DENND2A: variants seen among roughly 807,000 people sequenced by gnomAD.
DENND2A encodes DENN domain containing 2A, also known as DENN domain-containing protein 2A.
Under a neutral mutation model 105.3 loss-of-function variants are expected in DENND2A, and 53 were observed. That is an observed-to-expected ratio of 0.50 (90% CI 0.40 to 0.63). DENND2A has a LOEUF of 0.63. Among genes scored for constraint, DENND2A ranks in the 30% least tolerant of loss-of-function variants. DENND2A has a pLI of 0.00. For missense variants in DENND2A, 1,138 were observed against 1,279.6 expected, an observed-to-expected ratio of 0.89 and a Z score of 1.69; for synonymous variants, 522 against 508.4, an observed-to-expected ratio of 1.03 and a Z score of -0.36.
At chr7:140,543,007 C>T (rs1796734603) in intron 14 of DENND2A, among the ~76,000 whole-genome samples, 1 of 152,098 alleles carries the variant, frequency 6.6e-6, no homozygotes, top group African/African-American at 2.4e-5. Context: ...GAGTGCCCTC[C>T]CTCGGTCTCC....
intron 14 of DENND2A, among the ~76,000 whole-genome samples, chr7:140,539,611 T>G (rs192067794): frequency 2.1e-3 from 323 of 152,302 alleles, no homozygotes; most frequent in African/African-American, 7.5e-3. Context: ...ACTCCCTGCT[T>G]CTTTGAGCAG....
At chr7:140,639,798 C>T (rs1801116806) in intron 1 of DENND2A, among the ~76,000 whole-genome samples, 1 of 152,128 alleles carries the variant, frequency 6.6e-6, no homozygotes, top group Admixed American at 6.6e-5. Flanking sequence ...AATTTACGCC[C>T]CTGGAGAGCC....
At chr7:140,620,106 G>A (rs1437064784) in intron 1 of DENND2A, among the ~76,000 whole-genome samples, 1 of 151,972 alleles carries the variant, frequency 6.6e-6, no homozygotes, top group African/African-American at 2.4e-5. Flanking sequence ...TGAGGCAGGA[G>A]AATCGCTTGA....
rs1795739483 is a variant in DENND2A, at chr7:140,518,547, G to T, written c.*160C>A. 1 of 639,188 alleles carries T rather than the reference G, an allele frequency of 1.6e-6. No individual in the cohort carries two copies. 39.6% of individuals were successfully genotyped at this position (639,188 alleles called of 1,614,324 possible). On this transcript the variant is annotated 3_prime_UTR_variant, in exon 20 of 20. Transcript: ENST00000496613. ...GGGCTGTCCTCCCAGGCGGCTCCCA[G>T]GTCCTCATCCAGGGAAGAGCCCAGC...
At chr7:140,622,101 A>C (rs914431986) in intron 1 of DENND2A, among the ~76,000 whole-genome samples, 1 of 152,148 alleles carries the variant, frequency 6.6e-6, no homozygotes, top group African/African-American at 2.4e-5. Flanking sequence ...ATGACCTTTA[A>C]ATTTTTAAAT....
intron 5 of DENND2A, among the ~76,000 whole-genome samples, chr7:140,579,024 G>A (rs1047657223): frequency 4.0e-5 from 6 of 151,680 alleles, no homozygotes; most frequent in South Asian, 2.1e-4. Flanking sequence ...GGCCTGGAGC[G>A]GTGGCTCATG....
rs754530478 is a variant in DENND2A at position 140,602,146 on chromosome 7, ACTC to A, written c.249_251del (p.Arg83del). The A allele has an allele frequency of 3.7e-6, 6 of 1,608,948 alleles. No individual in the cohort carries two copies. The East Asian group carries it at 1.1e-4, about 30-fold the overall frequency. ...TGACCTGAGTTCTCACCCCATCACT[ACTC>A]CTCCTCTCCACCGTAGAGGACGGCA... On this transcript the variant is annotated inframe_deletion, in exon 3 of 20. Coordinates refer to ENST00000496613, the MANE Select transcript of DENND2A (RefSeq NM_015689.5).
intron 14 of DENND2A, among the ~76,000 whole-genome samples, chr7:140,538,564 C>T (rs137910020): frequency 0.045 from 6,848 of 151,272 alleles, 492 homozygotes; most frequent in African/African-American, 0.15. Context: ...TGGAGTGTAG[C>T]GGTGTGATCT....
intron 3 of DENND2A, among the ~76,000 whole-genome samples, chr7:140,592,639 G>A (rs1197620292): frequency 6.7e-6 from 1 of 149,190 alleles, no homozygotes; most frequent in African/African-American, 2.5e-5. Flanking sequence ...TGGCTCTGTC[G>A]CCCAGGCCGG....
At chr7:140,631,950 G>C (rs905760377) in intron 1 of DENND2A, among the ~76,000 whole-genome samples, 1 of 152,144 alleles carries the variant, frequency 6.6e-6, no homozygotes, top group Non-Finnish European at 1.5e-5. Flanking sequence ...AAGCTCGGGA[G>C]ATGCAAGTTC....
intron 3 of DENND2A, among the ~76,000 whole-genome samples, chr7:140,600,030 C>T (rs1351273685): frequency 1.3e-5 from 2 of 151,660 alleles, no homozygotes; most frequent in Non-Finnish European, 2.9e-5. Flanking sequence ...AACCAAAGGA[C>T]CTGGTGATGA....
rs1182064848 is a variant in DENND2A at position 140,601,568 on chromosome 7, C to G, written c.830G>C (p.Gly277Ala). 1.2e-6 allele frequency: 2 copies of G among 1,614,178 alleles called. No individual in the cohort carries two copies. The highest frequency in any genetic ancestry group is 1.7e-6 in the Non-Finnish European group (2 of 1,180,020). The change falls in exon 3 of 20, where the codon GGA becomes GCA. Residue 277 changes from glycine to alanine, a missense_variant. Physicochemically the swap from Gly to Ala is moderately conservative, Grantham distance 60 (BLOSUM62 0). Coordinates refer to ENST00000496613, the MANE Select transcript of DENND2A (RefSeq NM_015689.5). ...PKPRRTFKHA[G>A]EGDKDGKPGI... ...AGGCTTCCCATCTTTGTCCCCTTCTCCGGCATGTTTGAACGTTCTCCGGGG... is the reference window on the plus strand; with the variant it reads ...AGGCTTCCCATCTTTGTCCCCTTCTGCGGCATGTTTGAACGTTCTCCGGGG...
chr7:140,616,657 G>C (rs1800096000), intron 1 of DENND2A, among the ~76,000 whole-genome samples: 1 of 152,042 alleles, frequency 6.6e-6, no homozygotes, highest in Admixed American at 6.6e-5. Context: ...CTAAAAGTGA[G>C]GAGTCCTGGA....
At chr7:140,597,844 G>A (rs1255536999) in intron 3 of DENND2A, among the ~76,000 whole-genome samples, 1 of 152,152 alleles carries the variant, frequency 6.6e-6, no homozygotes, top group African/African-American at 2.4e-5. Context: ...TCATGGGAGT[G>A]CTCGGGGACC....
chr7:140,564,269 T>G, intron 9 of DENND2A, among the ~76,000 whole-genome samples: 2 of 124,112 alleles, frequency 1.6e-5, no homozygotes, highest in South Asian at 2.5e-4. Context: ...GGCAATAGAG[T>G]GAGACTGTGT....
intron 3 of DENND2A, among the ~76,000 whole-genome samples, chr7:140,600,749 G>C (rs1429153929): frequency 6.6e-6 from 1 of 152,154 alleles, no homozygotes; most frequent in Admixed American, 6.5e-5. Flanking sequence ...GAGGAGTTTT[G>C]CTCTAAAGCT....
At chr7:140,529,285 C>T (rs566221420) in intron 14 of DENND2A, among the ~76,000 whole-genome samples, 4 of 152,172 alleles carry the variant, frequency 2.6e-5, no homozygotes, top group Non-Finnish European at 5.9e-5. Flanking sequence ...ATGTTGAAAC[C>T]CCATCTCTAC....
Position 140,525,731 on chromosome 7 carries a change from C to T in DENND2A, c.2547+20G>A, listed in dbSNP as rs1389082459. 6 of 1,600,156 alleles carry T rather than the reference C, an allele frequency of 3.7e-6. No homozygotes were observed. The Admixed American group carries it at 6.9e-5, about 18-fold the overall frequency. ...AGGTAAAGACAAAGGGAGCAGGAGG[C>T]CGTCGCTGGCCTCACTCACCTGTCT... On this transcript the variant is annotated intron_variant, in intron 16 of 19. Transcript: ENST00000496613.
intron 14 of DENND2A, among the ~76,000 whole-genome samples, chr7:140,539,184 C>A (rs74459160): frequency 0.021 from 3,223 of 152,316 alleles, 116 homozygotes; most frequent in African/African-American, 0.074. Flanking sequence ...GTCCCCAAAC[C>A]CTTGTTTGTC....
Sources: allele counts gnomAD v4.1 joint callset (sites outside exome capture counted in the v4.1 genomes callset), GRCh38; gene constraint gnomAD v4.1.1; transcripts MANE v1.5; gene names NCBI Gene and HGNC (gene_info 2026-07-23, HGNC 2026-07-21).